The following SCART1 variants were observed in gnomAD, a reference collection of about 807,000 sequenced individuals.
SCART1 encodes the protein scavenger receptor cysteine-rich domain-containing protein SCART1.
In SCART1, 62 loss-of-function variants were observed where a neutral mutation model predicts 36.2. The observed-to-expected ratio is 1.71, with a 90% confidence interval of 1.40 to 2.12. SCART1 has a LOEUF of 2.12. SCART1 is among the 30% of genes most tolerant of loss of function. The probability of loss-of-function intolerance (pLI) is 0.00; values close to 1 mark genes in which losing one functional copy is unlikely to be tolerated. For missense variants in SCART1, 1,041 were observed against 540.5 expected, an observed-to-expected ratio of 1.93 and a Z score of -9.18; for synonymous variants, 487 against 238.7, an observed-to-expected ratio of 2.04 and a Z score of -9.59.
intron 10 of SCART1, 128 bp downstream of exon 10, chr10:133,466,509 C>G: frequency 1.7e-6 from 1 of 587,868 alleles, no homozygotes; most frequent in Non-Finnish European, 3.0e-6. Context: ...GCAGACCTAC[C>G]CCCAAAGTCC....
chr10:133,467,773 C>A, intron 11 of SCART1, 74 bp from the exon 12 acceptor site: 1 of 588,870 alleles, frequency 1.7e-6, no homozygotes. Context: ...TCCTGTCTTA[C>A]GGGCTTTGCC....
rs1000802462 is a variant in SCART1 at position 133,457,069 on chromosome 10, G to C, written c.386-210G>C. 22 of 582,258 alleles carry C rather than the reference G, an allele frequency of 3.8e-5. 1 individual carries two copies. The highest frequency in any genetic ancestry group is 3.0e-4 in the African/African-American group (16 of 53,068). 36.1% of individuals were successfully genotyped at this position (582,258 alleles called of 1,614,324 possible). ...GGGCCCAGTGTGAACGGATCCTGCG[G>C]GGAACCTTGTTTCAGGAGACCAGCA... On this transcript the variant is annotated intron_variant, in intron 2 of 11. Transcript: ENST00000640237.
At chr10:133,467,053 G>A in intron 10 of SCART1, 145 bp from the exon 11 acceptor site, 1 of 549,246 alleles carries the variant, frequency 1.8e-6, no homozygotes, top group South Asian at 2.4e-5. Flanking sequence ...GTCTGGCTAT[G>A]TTGCCGTGGT....
chr10:133,464,143 T>G, intron 6 of SCART1: 6 of 156,536 alleles, frequency 3.8e-5, no homozygotes, highest in Admixed American at 6.4e-5. Flanking sequence ...AATGATGGGA[T>G]TTTATTGTTT....
intron 6 of SCART1, among the ~76,000 whole-genome samples, chr10:133,460,496 A>ATATATATATATATTTTTTT: frequency 1.5e-5 from 2 of 136,016 alleles, no homozygotes; most frequent in South Asian, 2.7e-4. Flanking sequence ...ATATTTATAT[A>ATATATATATATATTTTTTT]TTTTAAAAAA....
exon 6 of SCART1, chr10:133,459,603 G>T (rs1328997115): frequency 1.0e-5 from 7 of 673,702 alleles, no homozygotes; most frequent in Admixed American, 2.1e-5. Flanking sequence ...CCTGCGCGGC[G>T]CGGGCGTGGT....
At chr10:133,458,985 C>T (rs773963478) in intron 4 of SCART1, 36 bp from the exon 5 acceptor site, 4 of 646,818 alleles carry the variant, frequency 6.2e-6, no homozygotes, top group Middle Eastern at 2.5e-4. Context: ...CTGGGTCGGC[C>T]GTCTGCAAGC....
intron 6 of SCART1, among the ~76,000 whole-genome samples, chr10:133,462,155 T>C (rs137962057): frequency 1.3e-5 from 2 of 152,350 alleles, no homozygotes; most frequent in Non-Finnish European, 2.9e-5. Flanking sequence ...GTCCCACGTG[T>C]GGGCAGGTGG....
chr10:133,463,007 A>T (rs149318828), intron 6 of SCART1, among the ~76,000 whole-genome samples: 11 of 152,282 alleles, frequency 7.2e-5, no homozygotes, highest in African/African-American at 2.6e-4. Context: ...TGCAATTCAT[A>T]CCCAATGTTC....
rs186419082 is a variant in SCART1 at position 133,456,891 on chromosome 10, C to T, written c.385+337C>T. On this transcript the variant is annotated intron_variant, in intron 2 of 11. Transcript: ENST00000640237. ...CCACACAGGTAGCTGATGATGGTTTCTTAGACAAATGACAGACAGGTACAC... is the reference window on the plus strand; with the variant it reads ...CCACACAGGTAGCTGATGATGGTTTTTTAGACAAATGACAGACAGGTACAC... Among the ~76,000 whole-genome samples, 420 of 152,308 alleles carry T rather than the reference C, an allele frequency of 2.8e-3. 4 individuals are homozygous for T. Among genetic ancestry groups the T allele is most frequent in the Non-Finnish European group, 1.2e-3 (83 of 68,014 alleles).
At chr10:133,455,139 C>A (rs758940976) in intron 1 of SCART1, among the ~76,000 whole-genome samples, 1 of 151,940 alleles carries the variant, frequency 6.6e-6, no homozygotes, top group Admixed American at 6.6e-5. Flanking sequence ...TGGTAGTGGG[C>A]GCCTATAATT....
Position 133,457,396 on chromosome 10 carries a change from TG to T in SCART1, c.505del (p.Val169CysfsTer79), listed in dbSNP as rs1311384750. The T allele has an allele frequency of 2.8e-6, 2 of 701,808 alleles. No homozygotes were observed. Among genetic ancestry groups the T allele is most frequent in the Non-Finnish European group, 5.2e-6 (2 of 384,830 alleles). 43.5% of individuals were successfully genotyped at this position (701,808 alleles called of 1,614,324 possible). ...TGTGTCCTGCATGTGGAGGAGGCCA[TG>T]GTGTTCTGCCGGGAGCTGGGGTGCG... On this transcript the variant is annotated frameshift_variant, in exon 3 of 12. Coordinates refer to ENST00000640237, the Ensembl canonical transcript of SCART1. LOFTEE classifies it high-confidence loss of function.
chr10:133,467,459 G>A (rs1850775204), intron 11 of SCART1, 106 bp downstream of exon 11: 1 of 616,254 alleles, frequency 1.6e-6, no homozygotes. Context: ...GGCTTCAGAA[G>A]GCTGCTGACC....
At chr10:133,467,034 GC>G (rs1340991664) in intron 10 of SCART1, 163 bp from the exon 11 acceptor site, 2 of 536,862 alleles carry the variant, frequency 3.7e-6, no homozygotes, top group African/African-American at 3.9e-5. Flanking sequence ...GGATGGGAGG[GC>G]ACTGGGAGTC....
chr10:133,458,067 A>C, intron 3 of SCART1: 1 of 624,898 alleles, frequency 1.6e-6, no homozygotes, highest in Non-Finnish European at 2.9e-6. Flanking sequence ...CGCCTCTGGG[A>C]TTGCAGAGGG....
In SCART1 at chr10:133,454,022, G is replaced by A. The variant is rs542184843; in HGVS notation, c.25G>A (p.Gly9Arg). ...CATGAGGGCAGCTCTCTGGACCCTG[G>A]GACTCGGGCCCCTTCTTCTGAATCT... The change falls in exon 1 of 12, where the codon GGA (glycine) becomes AGA (arginine). Residue 9 changes from glycine (G) to arginine (R), a missense_variant. Coordinates refer to ENST00000640237, the Ensembl canonical transcript of SCART1. The A allele has an allele frequency of 5.8e-5, 41 of 702,990 alleles. 1 individual carries two copies. In the South Asian group the frequency reaches 5.9e-4, roughly 10 times the overall value. 43.5% of individuals were successfully genotyped at this position (702,990 alleles called of 1,614,324 possible). A position where few individuals can be genotyped will look rare whatever the true frequency, so the allele number is the denominator to read the frequency against.
chr10:133,466,667 C>T (rs1589937576), intron 10 of SCART1, among the ~76,000 whole-genome samples: 1 of 152,362 alleles, frequency 6.6e-6, no homozygotes, highest in East Asian at 1.9e-4. Flanking sequence ...TCCCTCACAA[C>T]TAGAACTTAT....
At chr10:133,466,022 G>A (rs1475709302) in intron 9 of SCART1, 1 of 661,214 alleles carries the variant, frequency 1.5e-6, no homozygotes, top group African/African-American at 1.8e-5. Context: ...CAAGGAAGGG[G>A]GCTGTCCCTT....
At chr10:133,466,689 G>A (rs996070892) in intron 10 of SCART1, among the ~76,000 whole-genome samples, 3 of 152,242 alleles carry the variant, frequency 2.0e-5, no homozygotes, top group African/African-American at 7.2e-5. Flanking sequence ...TACCTCAGGG[G>A]AAGGGGACAT....
Sources: allele counts gnomAD v4.1 joint callset (sites outside exome capture counted in the v4.1 genomes callset), GRCh38; gene constraint gnomAD v4.1.1; transcripts MANE v1.5; gene names NCBI Gene and HGNC (gene_info 2026-07-23, HGNC 2026-07-21).